MYO1B: variants seen among roughly 807,000 people sequenced by gnomAD.
MYO1B encodes the protein unconventional myosin-Ib.
Under a neutral mutation model 159.7 loss-of-function variants are expected in MYO1B, and 72 were observed. That is an observed-to-expected ratio of 0.45 (90% CI 0.37 to 0.55). The LOEUF is 0.55. Among genes scored for constraint, MYO1B ranks in the 20% least tolerant of loss-of-function variants. The pLI is 0.00. For synonymous variants in MYO1B, 468 were observed against 473.8 expected (o/e 0.99, Z 0.16); for missense variants, 1,062 against 1,364.8 (o/e 0.78, Z 3.50).
chr2:191,368,235 C>T (rs958759111), intron 11 of MYO1B, among the ~76,000 whole-genome samples: 1 of 152,154 alleles, frequency 6.6e-6, no homozygotes, highest in Non-Finnish European at 1.5e-5. Context: ...ACAAGTTGTG[C>T]TCTTTGTAAA....
At chr2:191,274,166 A>G (rs1687617912) in intron 1 of MYO1B, among the ~76,000 whole-genome samples, 1 of 152,194 alleles carries the variant, frequency 6.6e-6, no homozygotes, top group Non-Finnish European at 1.5e-5. Flanking sequence ...TGCATGATTC[A>G]ATGACTCTTG....
At chr2:191,406,607 A>G (rs1696929962) in intron 24 of MYO1B, among the ~76,000 whole-genome samples, 1 of 152,140 alleles carries the variant, frequency 6.6e-6, no homozygotes, top group Non-Finnish European at 1.5e-5. Context: ...AGATGGGAGA[A>G]TGGCCAATGG....
rs993449509 is a variant in MYO1B at position 191,418,476 on chromosome 2, T to C, written c.3287+2234T>C. ...GAGAGTCAAAGTCCTGTTTACTCTTTAGTGGATTTTTTTTTTTTTTTTTTT... is the reference window on the plus strand; with the variant it reads ...GAGAGTCAAAGTCCTGTTTACTCTTCAGTGGATTTTTTTTTTTTTTTTTTT... On this transcript the variant is annotated intron_variant, in intron 30 of 30. Transcript: ENST00000392318. Among the ~76,000 whole-genome samples the C allele has an allele frequency of 6.2e-5, 8 of 128,860 alleles. No individual in the cohort carries two copies. In the East Asian group the frequency reaches 7.1e-4, roughly 11 times the overall value. 84.5% of individuals were successfully genotyped at this position (128,860 alleles called of 152,430 possible).
At chr2:191,325,568 C>G (rs1353959639) in intron 3 of MYO1B, among the ~76,000 whole-genome samples, 1 of 152,114 alleles carries the variant, frequency 6.6e-6, no homozygotes, top group Non-Finnish European at 1.5e-5. Context: ...GAGGCTGAAA[C>G]ATGGGGCCAT....
chr2:191,261,655 C>A (rs1686818191), intron 1 of MYO1B, among the ~76,000 whole-genome samples: 1 of 152,146 alleles, frequency 6.6e-6, no homozygotes, highest in Non-Finnish European at 1.5e-5. Context: ...TGCCTGAATT[C>A]AGCAAGGCGG....
intron 2 of MYO1B, among the ~76,000 whole-genome samples, chr2:191,278,689 A>G (rs945564619): frequency 6.6e-5 from 10 of 152,262 alleles, no homozygotes; most frequent in African/African-American, 2.2e-4. Flanking sequence ...ACACTGCTGC[A>G]GAGCAGGGGG....
rs182545141 is a variant in MYO1B, at chr2:191,249,881, A to G, written c.-10+4255A>G. Among the ~76,000 whole-genome samples, 8 of 152,314 alleles carry G rather than the reference A, an allele frequency of 5.3e-5. No homozygotes were observed. The East Asian group carries it at 1.5e-3, about 29-fold the overall frequency. ...TTTTGCCTCTGGAGGAGAGGCAGAC[A>G]CATGGTTTGCTAAACTCTAACAGGT... On this transcript the variant is annotated intron_variant, in intron 1 of 30. Coordinates refer to ENST00000392318, the MANE Select transcript of MYO1B (RefSeq NM_001130158.3).
At chr2:191,397,505 A>G (rs1308751857) in intron 21 of MYO1B, among the ~76,000 whole-genome samples, 2 of 152,270 alleles carry the variant, frequency 1.3e-5, no homozygotes, top group Admixed American at 6.5e-5. Flanking sequence ...GCACAGGGTT[A>G]GGGATAAGGT....
At chr2:191,306,470 T>C (rs897832139) in intron 3 of MYO1B, among the ~76,000 whole-genome samples, 3 of 152,146 alleles carry the variant, frequency 2.0e-5, no homozygotes, top group African/African-American at 7.2e-5. Context: ...CTAAGGATTT[T>C]TAAGCAGGTA....
At chr2:191,319,774 G>A (rs1690582816) in intron 3 of MYO1B, among the ~76,000 whole-genome samples, 2 of 151,986 alleles carry the variant, frequency 1.3e-5, no homozygotes. Flanking sequence ...ATAGTTTTGG[G>A]GGACAGAACT....
chr2:191,274,713 T>C (rs1250127452), intron 1 of MYO1B, among the ~76,000 whole-genome samples: 1 of 152,188 alleles, frequency 6.6e-6, no homozygotes, highest in Non-Finnish European at 1.5e-5. Flanking sequence ...GTCCTCTCCC[T>C]GTGCAAGTCC....
At chr2:191,337,127 C>T (rs901667850) in intron 4 of MYO1B, among the ~76,000 whole-genome samples, 1 of 152,222 alleles carries the variant, frequency 6.6e-6, no homozygotes, top group Non-Finnish European at 1.5e-5. Flanking sequence ...GTGGAGCCTG[C>T]TCCATTAACA....
chr2:191,414,765 C>CAG, intron 29 of MYO1B, 96 bp downstream of exon 29: 1 of 1,366,892 alleles, frequency 7.3e-7, no homozygotes, highest in Non-Finnish European at 9.6e-7. Flanking sequence ...TATATATCTG[C>CAG]CTTGCTAATT....
chr2:191,256,088 C>T (rs950538681), intron 1 of MYO1B, among the ~76,000 whole-genome samples: 6 of 152,144 alleles, frequency 3.9e-5, no homozygotes, highest in African/African-American at 1.4e-4. Context: ...TACACACCTG[C>T]CTAGAATCTG....
intron 13 of MYO1B, among the ~76,000 whole-genome samples, chr2:191,378,631 A>G (rs184869461): frequency 6.6e-6 from 1 of 152,312 alleles, no homozygotes; most frequent in East Asian, 1.9e-4. Flanking sequence ...CACTGGGGAT[A>G]CGATGGCTTA....
chr2:191,274,665 A>G (rs921239845), intron 1 of MYO1B, among the ~76,000 whole-genome samples: 9 of 152,114 alleles, frequency 5.9e-5, no homozygotes, highest in Admixed American at 4.6e-4. Context: ...TTTGATTCAA[A>G]TGTTAATTTA....
rs1469831454 is a variant in MYO1B, at chr2:191,423,844, G to C, written c.3295G>C (p.Val1099Leu). 6.2e-7 allele frequency: 1 copy of C among 1,612,356 alleles called. No individual in the cohort carries two copies. The highest frequency in any genetic ancestry group is 1.1e-5 in the South Asian group (1 of 90,698). Reference protein sequence around the residue: ...LNIEISDEFLVQFRQDKVCVK... With the variant: ...LNIEISDEFLLQFRQDKVCVK... Reference sequence around the variant, plus strand: ...TTTATTCTTTTCTCCTAGGTTCCTGGTACAGTTCAGACAGGACAAAGTATG... The same window carrying C: ...TTTATTCTTTTCTCCTAGGTTCCTGCTACAGTTCAGACAGGACAAAGTATG... Residue 1099 changes from valine (V) to leucine (L), a missense_variant, in exon 31 of 31, where the codon GTA becomes CTA. Around this residue, in one of 5 missense-constraint regions of MYO1B, gnomAD observed 609 missense variants for 744.4 expected, o/e 0.82. Transcript: ENST00000392318.
At chr2:191,290,162 T>C (rs1688613076) in intron 2 of MYO1B, among the ~76,000 whole-genome samples, 1 of 152,218 alleles carries the variant, frequency 6.6e-6, no homozygotes, top group Admixed American at 6.5e-5. Context: ...ATGGGGCTCT[T>C]GGGTCTTACT....
intron 30 of MYO1B, among the ~76,000 whole-genome samples, chr2:191,421,570 G>C (rs1279807094): frequency 1.3e-5 from 2 of 151,954 alleles, no homozygotes; most frequent in African/African-American, 2.4e-5. Context: ...CTGCCTCCTA[G>C]CTGCAAACGA....
Sources: gnomAD v4.1 joint callset for allele counts (sites outside exome capture counted in the v4.1 genomes callset) on GRCh38, gnomAD v4.1.1 for gene constraint, gnomAD v4.1.1 regional missense constraint, MANE v1.5 for transcripts, NCBI Gene and HGNC (gene_info 2026-07-23, HGNC 2026-07-21) for gene names.